The following PPARGC1A variants were observed in gnomAD, a reference collection of about 807,000 sequenced individuals.
PPARGC1A encodes the protein peroxisome proliferator-activated receptor gamma coactivator 1-alpha.
Under a neutral mutation model 88.7 loss-of-function variants are expected in PPARGC1A, and 25 were observed. The ratio of observed to expected loss-of-function variants is 0.28; its 90% confidence interval spans 0.21 to 0.39. The LOEUF (loss-of-function observed/expected upper bound fraction) is 0.39, where lower values mean the gene tolerates loss of function less well. PPARGC1A is among the 10% of genes least tolerant of loss of function. The pLI, the probability that PPARGC1A is intolerant of heterozygous loss-of-function variation, is 1.00. For missense variants in PPARGC1A, 880 were observed against 968.7 expected (o/e 0.91, Z 1.22); for synonymous variants, 363 against 355.6 (o/e 1.02, Z -0.24).
At chr4:24,258,503 T>G in the PPARGC1A span, among the ~76,000 whole-genome samples, 4 of 152,100 alleles carry the variant, frequency 2.6e-5, no homozygotes, top group African/African-American at 9.7e-5. Context: ...CATTTTAGAG[T>G]AAGACAGTGA....
chr4:24,064,101 GC>G, the PPARGC1A span, among the ~76,000 whole-genome samples: 2 of 152,114 alleles, frequency 1.3e-5, no homozygotes, highest in Non-Finnish European at 2.9e-5. Context: ...GCTTTCCAGG[GC>G]CCCAGGCTCT....
At chr4:24,274,573 C>G in the PPARGC1A span, among the ~76,000 whole-genome samples, 583 of 152,316 alleles carry the variant, frequency 3.8e-3, 18 homozygotes, top group East Asian at 0.092. Flanking sequence ...ATATCATTTT[C>G]ATGTGTCATG....
chr4:24,394,499 G>C, the PPARGC1A span, among the ~76,000 whole-genome samples: 3 of 152,204 alleles, frequency 2.0e-5, no homozygotes, highest in East Asian at 3.8e-4. Context: ...AGAAAACGCT[G>C]GTTGTGGTAC....
At chr4:24,323,221 A>C in the PPARGC1A span, among the ~76,000 whole-genome samples, 8 of 152,188 alleles carry the variant, frequency 5.3e-5, no homozygotes, top group Non-Finnish European at 1.2e-4. Flanking sequence ...CTAGTCAAAA[A>C]AGTCATTTAT....
chr4:23,828,252 C>T (rs2109655490), intron 5 of PPARGC1A, 148 bp downstream of exon 5: 3 of 802,790 alleles, frequency 3.7e-6, no homozygotes, highest in Admixed American at 2.7e-5. Context: ...AAGGTTTCTT[C>T]CCCCGCTCTG....
At chr4:24,408,817 G>A in the PPARGC1A span, among the ~76,000 whole-genome samples, 9 of 152,242 alleles carry the variant, frequency 5.9e-5, no homozygotes, top group African/African-American at 7.2e-5. Context: ...GACGAAAACT[G>A]CCCTGCCGAG....
chr4:23,992,369 T>G, the PPARGC1A span, among the ~76,000 whole-genome samples: 1 of 151,786 alleles, frequency 6.6e-6, no homozygotes, highest in African/African-American at 2.4e-5. Context: ...ATTATTACTA[T>G]TCTGTTTTTA....
the PPARGC1A span, among the ~76,000 whole-genome samples, chr4:24,064,732 GA>G: frequency 6.6e-6 from 1 of 152,182 alleles, no homozygotes; most frequent in Admixed American, 6.5e-5. Context: ...TCATCTACCT[GA>G]AGACATTATC....
intron 2 of PPARGC1A, among the ~76,000 whole-genome samples, chr4:23,844,154 A>G (rs1270151404): frequency 6.7e-6 from 1 of 150,252 alleles, no homozygotes; most frequent in East Asian, 1.9e-4. Context: ...CATCGGGAGA[A>G]TACAGTATAC....
chr4:24,303,963 T>C, the PPARGC1A span, among the ~76,000 whole-genome samples: 1 of 152,174 alleles, frequency 6.6e-6, no homozygotes, highest in Non-Finnish European at 1.5e-5. Context: ...TTAGTCCCAA[T>C]AAGAAATGTA....
the PPARGC1A span, among the ~76,000 whole-genome samples, chr4:24,107,826 G>T: frequency 6.6e-6 from 1 of 152,196 alleles, no homozygotes; most frequent in African/African-American, 2.4e-5. Context: ...TTTGCTATAG[G>T]ATCATGGAAA....
the PPARGC1A span, among the ~76,000 whole-genome samples, chr4:23,917,669 G>T: frequency 6.6e-6 from 1 of 152,120 alleles, no homozygotes; most frequent in Admixed American, 6.5e-5. Flanking sequence ...ATAAGGGTAG[G>T]TACTTAATCA....
chr4:23,938,520 C>T, the PPARGC1A span, among the ~76,000 whole-genome samples: 2 of 152,184 alleles, frequency 1.3e-5, no homozygotes, highest in Non-Finnish European at 2.9e-5. Context: ...CTCTGCAAGA[C>T]TGTTTAAGAT....
At chr4:23,884,255 G>T (rs1716486340) in intron 2 of PPARGC1A, 1 of 153,022 alleles carries the variant, frequency 6.5e-6, no homozygotes. Context: ...ATTATATAAA[G>T]AAATTAGAGA....
the PPARGC1A span, among the ~76,000 whole-genome samples, chr4:24,403,171 T>C: frequency 2.0e-5 from 3 of 152,178 alleles, no homozygotes; most frequent in African/African-American, 4.8e-5. Context: ...TCTCTATTTC[T>C]CTTCCCCAAA....
At chr4:24,132,958 G>A in the PPARGC1A span, among the ~76,000 whole-genome samples, 1 of 151,582 alleles carries the variant, frequency 6.6e-6, no homozygotes, top group East Asian at 1.9e-4. Context: ...AGATGCTATG[G>A]GATTTTTACC....
chr4:23,860,134 T>C (rs1364664529), intron 2 of PPARGC1A, among the ~76,000 whole-genome samples: 2 of 151,988 alleles, frequency 1.3e-5, no homozygotes. Flanking sequence ...TAGCCAAGTG[T>C]GGTGGCACGC....
At chr4:23,931,167 G>A in the PPARGC1A span, among the ~76,000 whole-genome samples, 1 of 152,140 alleles carries the variant, frequency 6.6e-6, no homozygotes, top group South Asian at 2.1e-4. Context: ...CTTGTGCTGG[G>A]ACTCCCTGTC....
the PPARGC1A span, among the ~76,000 whole-genome samples, chr4:24,311,248 C>T: frequency 5.3e-4 from 79 of 148,286 alleles, no homozygotes; most frequent in African/African-American, 1.9e-3. Flanking sequence ...TACAGGCGCC[C>T]GCCACCACGC....
Sources: allele counts gnomAD v4.1 joint callset (sites outside exome capture counted in the v4.1 genomes callset), GRCh38; gene constraint gnomAD v4.1.1; transcripts MANE v1.5; gene names NCBI Gene and HGNC (gene_info 2026-07-23, HGNC 2026-07-21).